The following HELZ variants were observed in gnomAD, a reference collection of about 807,000 sequenced individuals.
HELZ encodes helicase with zinc finger, also known as ATP-dependent RNA helicase with zinc finger domain.
In HELZ, 23 loss-of-function variants were observed where a neutral mutation model predicts 218.2. That is an observed-to-expected ratio of 0.11 (90% CI 0.08 to 0.15). The LOEUF is 0.15. Among genes scored for constraint, HELZ ranks in the 10% least tolerant of loss-of-function variants. HELZ has a pLI of 1.00. For missense variants in HELZ, 1,813 were observed against 2,353.7 expected (o/e 0.77, Z 4.75); for synonymous variants, 814 against 829.4 (o/e 0.98, Z 0.32).
chr17:67,122,807 C>T (rs577678399), intron 26 of HELZ, among the ~76,000 whole-genome samples, 163 bp downstream of exon 26: 2 of 152,046 alleles, frequency 1.3e-5, no homozygotes, highest in Non-Finnish European at 2.9e-5. Context: ...AGCAACAATT[C>T]GTAATTTCAA....
In HELZ at chr17:67,227,548, C is replaced by T. The variant is rs368087163; in HGVS notation, c.-18-8726G>A. ...GCAGGATAAGTGTGCTGTGAATAAA[C>T]AGAAAACCCATGCACTTCCCTTCCT... On this transcript the variant is annotated intron_variant, in intron 3 of 32. Coordinates refer to ENST00000358691, the MANE Select transcript of HELZ (RefSeq NM_014877.4). Among the ~76,000 whole-genome samples, 10 of 152,270 alleles carry T rather than the reference C, an allele frequency of 6.6e-5. No individual in the cohort carries two copies. The East Asian group carries it at 1.7e-3, about 26-fold the overall frequency.
At chr17:67,177,991 G>A (rs1399522328) in intron 13 of HELZ, among the ~76,000 whole-genome samples, 4 of 151,942 alleles carry the variant, frequency 2.6e-5, no homozygotes, top group Admixed American at 2.6e-4. Flanking sequence ...TCATAATTGT[G>A]GTTCAGTTTT....
intron 31 of HELZ, among the ~76,000 whole-genome samples, chr17:67,102,575 C>A (rs968932670): frequency 9.2e-5 from 14 of 152,092 alleles, no homozygotes; most frequent in Non-Finnish European, 1.9e-4. Flanking sequence ...GAGGGAAAAG[C>A]CTTTTCTTTG....
At chr17:67,111,854 T>G (rs1408005664) in intron 28 of HELZ, among the ~76,000 whole-genome samples, 1 of 152,196 alleles carries the variant, frequency 6.6e-6, no homozygotes, top group African/African-American at 2.4e-5. Flanking sequence ...ACTAAAATTA[T>G]ATTCAGCTGG....
intron 23 of HELZ, among the ~76,000 whole-genome samples, 161 bp from the exon 24 acceptor site, chr17:67,129,016 G>A (rs538315298): frequency 6.6e-6 from 1 of 152,114 alleles, no homozygotes; most frequent in East Asian, 1.9e-4. Flanking sequence ...CAGATCACAA[G>A]ACTCCAGAAG....
intron 3 of HELZ, among the ~76,000 whole-genome samples, chr17:67,234,399 A>G (rs2041124865): frequency 1.3e-5 from 2 of 151,714 alleles, no homozygotes; most frequent in African/African-American, 4.8e-5. Context: ...TCTCCATTCA[A>G]CCTCCAAGAT....
chr17:67,126,038 G>A (rs1388321885), intron 24 of HELZ, among the ~76,000 whole-genome samples: 1 of 152,144 alleles, frequency 6.6e-6, no homozygotes, highest in Admixed American at 6.5e-5. Context: ...ACAGGGAACT[G>A]GATTCTACCA....
chr17:67,134,514 A>T (rs1294727568), intron 23 of HELZ, among the ~76,000 whole-genome samples: 1 of 152,214 alleles, frequency 6.6e-6, no homozygotes, highest in Non-Finnish European at 1.5e-5. Context: ...TAAGTTACAG[A>T]CCCTTCAAGC....
intron 27 of HELZ, among the ~76,000 whole-genome samples, chr17:67,116,113 TA>T (rs1487784004): frequency 6.6e-6 from 1 of 152,032 alleles, no homozygotes; most frequent in Admixed American, 6.5e-5. Context: ...TAGTCTGTGA[TA>T]GGTTAAAGAT....
chr17:67,206,699 G>C (rs2040306709), intron 5 of HELZ, among the ~76,000 whole-genome samples: 1 of 150,530 alleles, frequency 6.6e-6, no homozygotes, highest in Non-Finnish European at 1.5e-5. Flanking sequence ...CCCAGGTTCA[G>C]GCAATTCTCC....
chr17:67,133,631 C>T (rs2038056045), intron 23 of HELZ, among the ~76,000 whole-genome samples: 1 of 152,146 alleles, frequency 6.6e-6, no homozygotes, highest in Admixed American at 6.5e-5. Context: ...CCTCCCACCT[C>T]AGCCTCCTGA....
At chr17:67,232,052 C>CAAA (rs754429326) in intron 3 of HELZ, among the ~76,000 whole-genome samples, 16 of 42,416 alleles carry the variant, frequency 3.8e-4, no homozygotes, top group South Asian at 9.2e-4. Flanking sequence ...GACTCCATCT[C>CAAA]AAAAAAAAAA....
At chr17:67,185,545 C>G (rs903692636) in intron 12 of HELZ, among the ~76,000 whole-genome samples, 4 of 152,108 alleles carry the variant, frequency 2.6e-5, no homozygotes, top group Non-Finnish European at 5.9e-5. Context: ...AGTCATTATG[C>G]TGATGACCAA....
chr17:67,155,818 C>T (rs1191253220), intron 17 of HELZ, among the ~76,000 whole-genome samples: 3 of 143,822 alleles, frequency 2.1e-5, no homozygotes, highest in Admixed American at 1.4e-4. Flanking sequence ...TTTTGGGCAA[C>T]AAAGCAAGAC....
intron 7 of HELZ, among the ~76,000 whole-genome samples, chr17:67,196,377 A>T (rs2040028704): frequency 6.6e-6 from 1 of 152,182 alleles, no homozygotes. Context: ...CGCCAACCAT[A>T]GCACTTTTTC....
At chr17:67,224,832 G>C in intron 3 of HELZ, 4 of 1,029,284 alleles carry the variant, frequency 3.9e-6, no homozygotes, top group Admixed American at 1.7e-5. Context: ...TGTATGCCCA[G>C]GGAAAGCAGC....
At chr17:67,201,238 T>A in intron 6 of HELZ, 53 bp from the exon 7 acceptor site, 1 of 1,153,738 alleles carries the variant, frequency 8.7e-7, no homozygotes. Context: ...AATTCTTTAC[T>A]ATGGCAACTT....
chr17:67,214,594 G>T (rs1256560359), intron 5 of HELZ, among the ~76,000 whole-genome samples: 2 of 151,000 alleles, frequency 1.3e-5, no homozygotes, highest in Admixed American at 1.3e-4. Context: ...TAACACAAAG[G>T]AGTAAGCAGG....
In HELZ at chr17:67,160,921, T is replaced by C. The variant is rs769635388; in HGVS notation, c.2051A>G (p.His684Arg). Residue 684 changes from histidine to arginine, a missense_variant, in exon 16 of 33, where the codon CAT becomes CGT. Around this residue, in one of 4 missense-constraint regions of HELZ, gnomAD observed 714 missense variants for 1,029.2 expected, o/e 0.69. Coordinates refer to ENST00000358691, the MANE Select transcript of HELZ (RefSeq NM_014877.4). ...CCTAGTCTCCTGTTGCTGCAGAATA[T>C]GTTTGACAGCCTGAGCTAGAGTGAA... Reference protein sequence around the residue: ...KTFTLAQAVKHILQQQETRIL... With the variant: ...KTFTLAQAVKRILQQQETRIL... 1.9e-6 allele frequency: 3 copies of C among 1,609,108 alleles called. No homozygotes were observed. The highest frequency in any genetic ancestry group is 1.1e-5 in the South Asian group (1 of 89,980).
Sources: allele counts gnomAD v4.1 joint callset (sites outside exome capture counted in the v4.1 genomes callset), GRCh38; gene constraint gnomAD v4.1.1; regional missense constraint gnomAD v4.1.1; transcripts MANE v1.5; gene names NCBI Gene and HGNC (gene_info 2026-07-23, HGNC 2026-07-21).